Variants in AMDHD2 observed in about 807,000 individuals in gnomAD.
AMDHD2 encodes the protein amidohydrolase domain containing 2, also known as N-acetylglucosamine-6-phosphate deacetylase.
AMDHD2 carries 24 observed loss-of-function variants against 41.8 expected under a neutral mutation model. The ratio of observed to expected loss-of-function variants is 0.57; its 90% CI spans 0.42 to 0.81. The LOEUF (loss-of-function observed/expected upper bound fraction) is 0.81. Among genes scored for constraint, AMDHD2 ranks in the 30% least tolerant of loss-of-function variants. The pLI, the probability that AMDHD2 is intolerant of heterozygous loss-of-function variation, is 0.00. For synonymous variants in AMDHD2, 332 were observed against 255.5 expected (o/e 1.30, Z -2.85); for missense variants, 540 against 588.5 (o/e 0.92, Z 0.85).
intron 10 of AMDHD2, 60 bp downstream of exon 10, chr16:2,529,155 C>T: frequency 6.9e-7 from 1 of 1,442,674 alleles, no homozygotes; most frequent in Non-Finnish European, 9.2e-7. Context: ...TCTGTTGTTC[C>T]TGGGGCGGCC....
rs1230949279 is a variant in AMDHD2 at position 2,531,344 on chromosome 16, G to A, written c.*1781G>A. 1.9e-6 allele frequency: 1 copy of A among 522,464 alleles called. No homozygotes were observed. The highest frequency in any genetic ancestry group is 3.5e-6 in the Non-Finnish European group (1 of 286,086). 32.4% of individuals were successfully genotyped at this position (522,464 alleles called of 1,614,324 possible). A position where few individuals can be genotyped will look rare whatever the true frequency, so the allele number is the denominator to read the frequency against. On this transcript the variant is annotated 3_prime_UTR_variant, in exon 11 of 11. Coordinates refer to ENST00000293971, the MANE Select transcript of AMDHD2 (RefSeq NM_001330449.2). ...TGCAGGATGATTTTGAGGTGTGGGGGAAGCACTCTTGGTTGGTTTTGGTTT... is the reference window on the plus strand; with the variant it reads ...TGCAGGATGATTTTGAGGTGTGGGGAAAGCACTCTTGGTTGGTTTTGGTTT...
chr16:2,530,499 T>A lies in AMDHD2; in HGVS notation c.*936T>A. On this transcript the variant is annotated 3_prime_UTR_variant, in exon 11 of 11. Transcript: ENST00000293971. ...AGTGGGGTCAGACGTCAGGGATTGG[T>A]GCAGCCCCACGTCAGGGGTGATTGT... The A allele has an allele frequency of 1.2e-6, 2 of 1,614,114 alleles. No individual in the cohort carries two copies. The highest frequency in any genetic ancestry group is 1.7e-6 in the Non-Finnish European group (2 of 1,179,984).
chr16:2,520,428 C>T lies in AMDHD2; in HGVS notation c.-31C>T, dbSNP rs745311200. 103 of 1,225,910 alleles carry T rather than the reference C, an allele frequency of 8.4e-5. No individual in the cohort carries two copies. The highest frequency in any genetic ancestry group is 9.5e-5 in the Non-Finnish European group (93 of 979,836). The allele number at this position is 1,225,910 out of a possible 1,614,324, so 75.9% of individuals were successfully genotyped here. A position where few individuals can be genotyped will look rare whatever the true frequency, so the allele number is the denominator to read the frequency against. ...CGCGGGATTTGGCCGCCGCGGGGCT[C>T]CGGAGCCGCTCGCTCCCGACACGGC... is the stretch of plus-strand genomic sequence containing the variant. On this transcript the variant is annotated 5_prime_UTR_variant, in exon 1 of 11. Coordinates refer to ENST00000293971, the MANE Select transcript of AMDHD2 (RefSeq NM_001330449.2).
At position 2,531,223 on chromosome 16, in the gene AMDHD2, A is replaced by AGG; in HGVS notation, c.*1663_*1664dup. On this transcript the variant is annotated 3_prime_UTR_variant, in exon 11 of 11. Coordinates refer to ENST00000293971, the MANE Select transcript of AMDHD2 (RefSeq NM_001330449.2). ...CACCTCCCTGGCTGGAGGGTCGGGG[A>AGG]GGGGCTGGCAGAGATGGTTGGTCCA... is the stretch of plus-strand genomic sequence containing the variant. 1 of 1,023,916 alleles carries AGG rather than the reference A, an allele frequency of 9.8e-7. No homozygotes were observed. Among genetic ancestry groups the AGG allele is most frequent in the South Asian group, 1.7e-5 (1 of 59,996 alleles). The allele number at this position is 1,023,916 out of a possible 1,614,324, so 63.4% of individuals were successfully genotyped here.
At position 2,528,702 on chromosome 16, in the gene AMDHD2, C is replaced by G; in HGVS notation, c.1023C>G (p.His341Gln). Reference protein sequence around the residue: ...SIAPMDVCVRHFLQATGCSME... With the variant: ...SIAPMDVCVRQFLQATGCSME... ...CCCCAATGGACGTCTGTGTCCGGCA[C>G]TTCCTGCAGGCCACAGGTCAGTGAG... is the stretch of plus-strand genomic sequence containing the variant. Residue 341 changes from histidine (H) to glutamine (Q), a missense_variant, in exon 9 of 11, where the codon CAC becomes CAG. By Grantham distance (24) the His-to-Gln change is conservative. Transcript: ENST00000293971. The G allele has an allele frequency of 6.2e-7, 1 of 1,612,716 alleles. No homozygotes were observed. The highest frequency in any genetic ancestry group is 1.7e-4 in the Middle Eastern group (1 of 6,056).
chr16:2,525,457 C>T (rs1427420811), intron 3 of AMDHD2, among the ~76,000 whole-genome samples: 1 of 151,826 alleles, frequency 6.6e-6, no homozygotes, highest in African/African-American at 2.4e-5. Flanking sequence ...ACCTCTGCCT[C>T]CTGGGTTCAA....
In AMDHD2 at chr16:2,530,517, G is replaced by A. The variant is rs1216847909; in HGVS notation, c.*954G>A. On this transcript the variant is annotated 3_prime_UTR_variant, in exon 11 of 11. Transcript: ENST00000293971. ...GGATTGGTGCAGCCCCACGTCAGGGGTGATTGTCTTGACTTTCTCTCCATT... is the reference window on the plus strand; with the variant it reads ...GGATTGGTGCAGCCCCACGTCAGGGATGATTGTCTTGACTTTCTCTCCATT... The A allele has an allele frequency of 6.2e-7, 1 of 1,614,198 alleles. No homozygotes were observed.
At chr16:2,526,777 A>G (rs895124465) in intron 3 of AMDHD2, among the ~76,000 whole-genome samples, 13 of 152,082 alleles carry the variant, frequency 8.5e-5, no homozygotes, top group Non-Finnish European at 2.9e-5. Context: ...CTAAAAATAC[A>G]AAATTAGCCG....
chr16:2,520,556 G>A lies in AMDHD2; in HGVS notation c.83+15G>A. ...AAACTGCTCAGGTGGGCGCGGGCCG[G>A]GGACTGCGGGGCTGGGGACCGGGCG... On this transcript the variant is annotated intron_variant, in intron 1 of 10. Transcript: ENST00000293971. The A allele has an allele frequency of 8.1e-7, 1 of 1,232,104 alleles. No homozygotes were observed. The highest frequency in any genetic ancestry group is 3.2e-5 in the East Asian group (1 of 30,938). The allele number at this position is 1,232,104 out of a possible 1,614,324, so 76.3% of individuals were successfully genotyped here. A position where few individuals can be genotyped will look rare whatever the true frequency, so the allele number is the denominator to read the frequency against.
intron 3 of AMDHD2, among the ~76,000 whole-genome samples, chr16:2,526,758 C>T (rs1162232439): frequency 6.6e-6 from 1 of 152,054 alleles, no homozygotes; most frequent in Non-Finnish European, 1.5e-5. Flanking sequence ...TGGTGAAACC[C>T]CGCCTCTACT....
chr16:2,522,594 T>C (rs1430881389), intron 3 of AMDHD2, among the ~76,000 whole-genome samples: 1 of 151,900 alleles, frequency 6.6e-6, no homozygotes, highest in Non-Finnish European at 1.5e-5. Context: ...GGAGAACCGC[T>C]TGAACCCAGG....
In AMDHD2 at chr16:2,529,485, G is replaced by A; in HGVS notation, c.1152G>A (p.Val384=). ...CCGGCTCTGTCCCAGACTTCGTGGT[G>A]CTCGACGACTCCCTTCACGTCCAGG... The part of the protein sequence containing the change: ...LDFGADADFV[V]LDDSLHVQAT... The change falls in exon 11 of 11, where the codon GTG becomes GTA. Residue 384 remains valine, a synonymous_variant. Coordinates refer to ENST00000293971, the MANE Select transcript of AMDHD2 (RefSeq NM_001330449.2). The A allele has an allele frequency of 6.2e-7, 1 of 1,610,850 alleles. No individual in the cohort carries two copies. Among genetic ancestry groups the A allele is most frequent in the Non-Finnish European group, 8.5e-7 (1 of 1,179,980 alleles).
At chr16:2,526,502 G>C (rs1483245255) in intron 3 of AMDHD2, among the ~76,000 whole-genome samples, 1 of 152,110 alleles carries the variant, frequency 6.6e-6, no homozygotes, top group Non-Finnish European at 1.5e-5. Context: ...ACCATCCTGA[G>C]CCTGTGGGGG....
chr16:2,526,812 C>T (rs182731701), intron 3 of AMDHD2, among the ~76,000 whole-genome samples: 15 of 152,266 alleles, frequency 9.9e-5, no homozygotes, highest in Admixed American at 9.8e-4. Context: ...CGCCTGTAAT[C>T]CCAGCTACTC....
chr16:2,523,854 G>A (rs930866700), intron 3 of AMDHD2, among the ~76,000 whole-genome samples: 1 of 152,184 alleles, frequency 6.6e-6, no homozygotes, highest in African/African-American at 2.4e-5. Context: ...TGGCCTAGAA[G>A]GCCCTGGCCT....
At position 2,520,919 on chromosome 16, in the gene AMDHD2, C is replaced by T. The variant is rs1013219924; in HGVS notation, c.220+14C>T. 5.0e-6 allele frequency: 8 copies of T among 1,597,624 alleles called. No individual in the cohort carries two copies. The highest frequency in any genetic ancestry group is 2.2e-5 in the South Asian group (2 of 89,454). ...TGCAGATCAACGGTGCGGCCCGGGG[C>T]CGGCAGGGGAACCCAGGGGAGGAGC... On this transcript the variant is annotated intron_variant, in intron 2 of 10. Coordinates refer to ENST00000293971, the MANE Select transcript of AMDHD2 (RefSeq NM_001330449.2).
rs750015453 is a variant in AMDHD2 at position 2,530,497 on chromosome 16, GGTGCAGCCCC to G, written c.*935_*944del. The G allele has an allele frequency of 3.1e-6, 5 of 1,614,022 alleles. No individual in the cohort carries two copies. The highest frequency in any genetic ancestry group is 1.7e-6 in the Non-Finnish European group (2 of 1,179,984). ...ACAGTGGGGTCAGACGTCAGGGATT[GGTGCAGCCCC>G]ACGTCAGGGGTGATTGTCTTGACTT... On this transcript the variant is annotated 3_prime_UTR_variant, in exon 11 of 11. Coordinates refer to ENST00000293971, the MANE Select transcript of AMDHD2 (RefSeq NM_001330449.2).
At chr16:2,524,999 C>T (rs1294614344) in intron 3 of AMDHD2, among the ~76,000 whole-genome samples, 1 of 151,618 alleles carries the variant, frequency 6.6e-6, no homozygotes, top group Non-Finnish European at 1.5e-5. Context: ...TGCTTTGTTT[C>T]TTGGCTCTAA....
rs202215752 is a variant in AMDHD2 at position 2,527,643 on chromosome 16, C to A, written c.415+28C>A. On this transcript the variant is annotated intron_variant, in intron 4 of 10. Coordinates refer to ENST00000293971, the MANE Select transcript of AMDHD2 (RefSeq NM_001330449.2). This position sits in a 1 kb window ranked among gnomAD's most constrained non-coding sequence, Gnocchi z 6.1. ...GAGTGGCTGACCTCCTCCCCGCCCC[C>A]ACCCTGGGAGGCTCCTGCGGGACCT... 1.1e-5 allele frequency: 18 copies of A among 1,600,226 alleles called. No homozygotes were observed. The highest frequency in any genetic ancestry group is 1.5e-5 in the Non-Finnish European group (18 of 1,174,078).
Sources: allele counts gnomAD v4.1 joint callset (sites outside exome capture counted in the v4.1 genomes callset), GRCh38; gene constraint gnomAD v4.1.1; non-coding constraint Gnocchi (gnomAD v3.1); transcripts MANE v1.5; gene names NCBI Gene and HGNC (gene_info 2026-07-23, HGNC 2026-07-21).